Variants in FREM1 observed in about 807,000 individuals in gnomAD.
FREM1 encodes the protein FRAS1 related extracellular matrix 1, also known as FRAS1-related extracellular matrix protein 1.
Under a neutral mutation model 210.1 loss-of-function variants are expected in FREM1, and 220 were observed. That is an observed-to-expected ratio of 1.05 (90% CI 0.94 to 1.17). The LOEUF is 1.17. Among genes scored for constraint, FREM1 ranks in the 50% most tolerant of loss-of-function variants. The pLI is 0.00. For missense variants in FREM1, 3,454 were observed against 2,675.5 expected (o/e 1.29, Z -6.42); for synonymous variants, 1,189 against 980.2 (o/e 1.21, Z -3.98).
At chr9:14,876,426 C>T (rs2132035728) in intron 1 of FREM1, among the ~76,000 whole-genome samples, 1 of 152,264 alleles carries the variant, frequency 6.6e-6, no homozygotes, top group East Asian at 1.9e-4. Flanking sequence ...GCAGTTTGAT[C>T]TTAGACTGCT....
At chr9:14,859,016 C>T (rs1388240699) in intron 4 of FREM1, among the ~76,000 whole-genome samples, 167 bp downstream of exon 4, 1 of 152,062 alleles carries the variant, frequency 6.6e-6, no homozygotes, top group Non-Finnish European at 1.5e-5. Flanking sequence ...TTCTCAAAAC[C>T]AGGTCTTTCT....
rs1820868503 is a variant in FREM1, at chr9:14,819,395, G to C, written c.2385C>G (p.Ile795Met). The change falls in exon 14 of 37, where the codon ATC becomes ATG. Residue 795 changes from isoleucine (I) to methionine (M), a missense_variant. By Grantham distance (10) the Ile-to-Met change is conservative. Coordinates refer to ENST00000380880, the MANE Select transcript of FREM1 (RefSeq NM_001379081.2). ...CAGAAATTAGAATGTGCTCTGTGCT[G>C]ATGATGCTTTGACCTCCCTCAGTCA... The part of the protein sequence containing the change: ...LKVTEGGQSI[I>M]STEHILISDA... 6.2e-7 allele frequency: 1 copy of C among 1,613,458 alleles called. No homozygotes were observed.
chr9:14,880,021 C>T (rs1387973336), intron 1 of FREM1, among the ~76,000 whole-genome samples: 2 of 151,990 alleles, frequency 1.3e-5, no homozygotes, highest in Admixed American at 6.5e-5. Context: ...CTTGTGGAGG[C>T]GTTAGGTTTA....
chr9:14,806,519 G>A (rs1818403019), intron 18 of FREM1, 142 bp downstream of exon 18: 3 of 607,570 alleles, frequency 4.9e-6, no homozygotes, highest in Non-Finnish European at 8.8e-6. Context: ...CTCCCAAAGT[G>A]CTGGGATTAC....
At chr9:14,885,279 A>G (rs1015967027) in intron 1 of FREM1, among the ~76,000 whole-genome samples, 12 of 152,106 alleles carry the variant, frequency 7.9e-5, no homozygotes, top group African/African-American at 2.9e-4. Context: ...CCATTTGACT[A>G]AAGATGACAT....
chr9:14,739,463 T>TATAATTC (rs1841056552), intron 36 of FREM1, among the ~76,000 whole-genome samples: 1 of 138,326 alleles, frequency 7.2e-6, no homozygotes, highest in African/African-American at 2.7e-5. Context: ...TATATATATA[T>TATAATTC]ATATATATAT....
chr9:14,807,065 T>G (rs1160911547), intron 17 of FREM1, among the ~76,000 whole-genome samples: 3 of 152,206 alleles, frequency 2.0e-5, no homozygotes, highest in Non-Finnish European at 4.4e-5. Flanking sequence ...ATTATATTTT[T>G]TTCTTGTCCA....
At chr9:14,742,383 A>G (rs1481594948) in intron 35 of FREM1, among the ~76,000 whole-genome samples, 3 of 152,146 alleles carry the variant, frequency 2.0e-5, no homozygotes, top group Non-Finnish European at 4.4e-5. Flanking sequence ...TAATTACCAA[A>G]TGTACAATGA....
At chr9:14,806,565 TTGAAAGTCCTTACAAAGTTATTAAGCA>T in intron 18 of FREM1, 69 bp downstream of exon 18, 1 of 788,446 alleles carries the variant, frequency 1.3e-6, no homozygotes, top group Non-Finnish European at 2.1e-6. Context: ...TTTAAACATT[TTGAAAGTCCTTACAAAGTTATTAAGCA>T]TGACCTGGCC....
At chr9:14,807,118 G>C (rs1011659699) in intron 17 of FREM1, among the ~76,000 whole-genome samples, 2 of 152,196 alleles carry the variant, frequency 1.3e-5, no homozygotes. Context: ...AATACTAACT[G>C]TTCCAGCACA....
rs1821872832 is a variant in FREM1 at position 14,824,074 on chromosome 9, G to C, written c.2120C>G (p.Pro707Arg). Reference sequence around the variant, plus strand: ...GGCCGTAGGATTCTTAACTACTTTTGGTATGCTGTCCACCATAAATAATTT... The same window carrying C: ...GGCCGTAGGATTCTTAACTACTTTTCGTATGCTGTCCACCATAAATAATTT... ...AGKLFMVDSI[P>R]KVVKNPTALE... is the part of the protein sequence containing the mutation. Residue 707 changes from proline (P) to arginine (R), a missense_variant, in exon 12 of 37, where the codon CCA (proline) becomes CGA (arginine). Physicochemically the swap from Pro to Arg is moderately radical, Grantham distance 103. Transcript: ENST00000380880. The C allele has an allele frequency of 6.3e-7, 1 of 1,591,266 alleles. No individual in the cohort carries two copies. Among genetic ancestry groups the C allele is most frequent in the East Asian group, 2.3e-5 (1 of 44,324 alleles).
chr9:14,798,167 G>A (rs1400280736), intron 20 of FREM1, among the ~76,000 whole-genome samples: 1 of 152,014 alleles, frequency 6.6e-6, no homozygotes, highest in Non-Finnish European at 1.5e-5. Flanking sequence ...TTACTTCAAA[G>A]CTACTAAAAT....
In FREM1 at chr9:14,737,555, G is replaced by C; in HGVS notation, c.6381C>G (p.Ile2127Met). The C allele has an allele frequency of 1.2e-6, 2 of 1,602,004 alleles. No homozygotes were observed. Among genetic ancestry groups the C allele is most frequent in the South Asian group, 1.1e-5 (1 of 89,148 alleles). ...TGGTGAAGGCAACAGGTTCACCACC[G>C]ATCCACTCCCAGTGGCCAGCATGCA... Reference protein sequence around the residue: ...DQVHAGHWEWIGGEPVAFTNG... With the variant: ...DQVHAGHWEWMGGEPVAFTNG... Residue 2127 changes from isoleucine (I) to methionine (M), a missense_variant, in exon 37 of 37, where the codon ATC becomes ATG. Transcript: ENST00000380880.
intron 13 of FREM1, 88 bp from the exon 14 acceptor site, chr9:14,819,530 T>TG: frequency 1.4e-6 from 1 of 709,752 alleles, no homozygotes; most frequent in Non-Finnish European, 2.3e-6. Flanking sequence ...AAACTTCCAG[T>TG]ATTATCTTCA....
chr9:14,881,305 A>G (rs190158679), intron 1 of FREM1, among the ~76,000 whole-genome samples: 1 of 152,282 alleles, frequency 6.6e-6, no homozygotes, highest in East Asian at 1.9e-4. Flanking sequence ...TAGACCAGCC[A>G]CACCCCTTAC....
At position 14,769,736 on chromosome 9, in the gene FREM1, G is replaced by A. The variant is rs202081047; in HGVS notation, c.5192C>T (p.Ala1731Val). ...FQIMDPTGNSATPQILELKWS... is the reference protein window; with the variant it reads ...FQIMDPTGNSVTPQILELKWS... ...CAAGAGAATTTACATTTGAGGAGTGGCCGAGTTCCCTGTGGGGTCCATGAT... is the reference window on the plus strand; with the variant it reads ...CAAGAGAATTTACATTTGAGGAGTGACCGAGTTCCCTGTGGGGTCCATGAT... The change falls in exon 27 of 37, where the codon GCC becomes GTC. Residue 1731 changes from alanine (A) to valine (V), a missense_variant. Ala to Val is a moderately conservative substitution (Grantham distance 64). Transcript: ENST00000380880. 140 of 1,612,154 alleles carry A rather than the reference G, an allele frequency of 8.7e-5. 1 individual carries two copies. The highest frequency in any genetic ancestry group is 1.1e-4 in the Non-Finnish European group (130 of 1,178,858).
intron 27 of FREM1, among the ~76,000 whole-genome samples, chr9:14,768,048 A>T (rs1468217100): frequency 2.0e-5 from 3 of 152,200 alleles, no homozygotes; most frequent in Non-Finnish European, 2.9e-5. Context: ...ATTTGAGAGT[A>T]TATTTAAAAA....
At chr9:14,837,282 G>A (rs1824812700) in intron 10 of FREM1, among the ~76,000 whole-genome samples, 1 of 152,116 alleles carries the variant, frequency 6.6e-6, no homozygotes, top group Non-Finnish European at 1.5e-5. Context: ...TCCAGCCTCT[G>A]CATATATACC....
chr9:14,754,605 TG>T (rs1843958048), intron 29 of FREM1, among the ~76,000 whole-genome samples: 1 of 152,046 alleles, frequency 6.6e-6, no homozygotes, highest in African/African-American at 2.4e-5. Context: ...TGGAATAAGG[TG>T]GGCTCCTCAT....
Sources: allele counts gnomAD v4.1 joint callset (sites outside exome capture counted in the v4.1 genomes callset), GRCh38; gene constraint gnomAD v4.1.1; transcripts MANE v1.5; gene names NCBI Gene and HGNC (gene_info 2026-07-23, HGNC 2026-07-21).